The following NRXN3 variants were observed in gnomAD, a reference collection of about 807,000 sequenced individuals.
The protein encoded by NRXN3 is neurexin III.
A neutral mutation model predicts 137.6 loss-of-function variants in NRXN3; 32 were observed. The ratio of observed to expected loss-of-function variants is 0.23; its 90% CI spans 0.18 to 0.31. NRXN3 has a LOEUF of 0.31. Ranked by LOEUF, NRXN3 falls within the 10% of genes least tolerant of loss-of-function variation. NRXN3 has a pLI of 1.00. For missense variants in NRXN3, 1,574 were observed against 2,062.5 expected, an observed-to-expected ratio of 0.76 and a Z score of 4.59; for synonymous variants, 798 against 784.5, an observed-to-expected ratio of 1.02 and a Z score of -0.29.
intron 10 of NRXN3, among the ~76,000 whole-genome samples, chr14:78,889,758 C>A (rs2099153887): frequency 6.6e-6 from 1 of 151,906 alleles, no homozygotes; most frequent in African/African-American, 2.4e-5. Flanking sequence ...TTGTTTACTG[C>A]AAGTGTGGGA....
intron 19 of NRXN3, among the ~76,000 whole-genome samples, chr14:79,788,391 T>C (rs1049277072): frequency 1.3e-5 from 2 of 152,176 alleles, no homozygotes; most frequent in Non-Finnish European, 2.9e-5. Context: ...TCCATTCAAG[T>C]TTTTTCTATG....
chr14:79,374,806 T>C (rs1015414708), intron 15 of NRXN3, among the ~76,000 whole-genome samples: 2 of 152,164 alleles, frequency 1.3e-5, no homozygotes, highest in African/African-American at 4.8e-5. Context: ...CTCCCCAAAA[T>C]GTATAAAACC....
chr14:79,044,919 A>G (rs2099630755), intron 15 of NRXN3, among the ~76,000 whole-genome samples: 1 of 151,974 alleles, frequency 6.6e-6, no homozygotes. Context: ...GGTGAACTAC[A>G]AATTATTTTC....
chr14:79,505,735 A>G (rs2096872057), intron 16 of NRXN3, among the ~76,000 whole-genome samples: 1 of 152,222 alleles, frequency 6.6e-6, no homozygotes, highest in African/African-American at 2.4e-5. Flanking sequence ...TTACTTTCCT[A>G]TGCCCAACAG....
chr14:78,986,086 C>T (rs571099920), intron 14 of NRXN3, among the ~76,000 whole-genome samples: 10 of 152,278 alleles, frequency 6.6e-5, no homozygotes, highest in African/African-American at 2.4e-4. Context: ...GAAGACGAAC[C>T]CTTTGTAGTC....
At chr14:79,741,286 G>C (rs1047515121) in intron 19 of NRXN3, among the ~76,000 whole-genome samples, 3 of 152,042 alleles carry the variant, frequency 2.0e-5, no homozygotes, top group African/African-American at 7.2e-5. Context: ...TTGGTTTCGT[G>C]CTAAATCTAA....
chr14:78,517,436 C>T (rs2096225374), intron 4 of NRXN3, among the ~76,000 whole-genome samples: 1 of 152,104 alleles, frequency 6.6e-6, no homozygotes, highest in African/African-American at 2.4e-5. Flanking sequence ...ACTGTGGTTA[C>T]AGCACAGTTA....
At chr14:79,325,201 A>G (rs2090672777) in intron 15 of NRXN3, among the ~76,000 whole-genome samples, 1 of 151,998 alleles carries the variant, frequency 6.6e-6, no homozygotes, top group Admixed American at 6.6e-5. Context: ...AACATATGGC[A>G]TTTGCTTAAC....
intron 15 of NRXN3, among the ~76,000 whole-genome samples, chr14:79,111,247 G>T (rs749168659): frequency 3.9e-5 from 6 of 152,134 alleles, no homozygotes; most frequent in Non-Finnish European, 7.4e-5. Flanking sequence ...ATTTGCCTCT[G>T]GAAGGCCAAA....
chr14:78,791,462 T>C (rs1436548502), intron 8 of NRXN3, among the ~76,000 whole-genome samples: 1 of 152,176 alleles, frequency 6.6e-6, no homozygotes, highest in African/African-American at 2.4e-5. Flanking sequence ...ATGAGCCTGC[T>C]AGCCCCACCT....
chr14:78,754,679 T>C (rs1424374983), intron 8 of NRXN3, among the ~76,000 whole-genome samples: 1 of 152,198 alleles, frequency 6.6e-6, no homozygotes, highest in African/African-American at 2.4e-5. Flanking sequence ...CAGTATCACC[T>C]GGCAACCTGT....
chr14:79,625,290 A>G (rs913711068), intron 16 of NRXN3, among the ~76,000 whole-genome samples: 1 of 152,222 alleles, frequency 6.6e-6, no homozygotes, highest in Non-Finnish European at 1.5e-5. Flanking sequence ...TTTGAGAACT[A>G]GAAAAAAATG....
chr14:78,456,867 T>TTTTC (rs1322859434), intron 4 of NRXN3, among the ~76,000 whole-genome samples: 9 of 137,474 alleles, frequency 6.5e-5, no homozygotes, highest in South Asian at 2.4e-4. Context: ...TTCTCTTTCT[T>TTTTC]TCTTTCTTTC....
At chr14:79,607,947 C>A (rs1390702671) in intron 16 of NRXN3, among the ~76,000 whole-genome samples, 1 of 152,148 alleles carries the variant, frequency 6.6e-6, no homozygotes, top group Non-Finnish European at 1.5e-5. Context: ...GCTGGGATTA[C>A]AGATGTGAGC....
chr14:78,616,951 A>G (rs893542763), intron 4 of NRXN3, among the ~76,000 whole-genome samples: 1 of 152,186 alleles, frequency 6.6e-6, no homozygotes, highest in African/African-American at 2.4e-5. Flanking sequence ...ACTGTCCCCA[A>G]GTTGCATTAT....
chr14:79,355,082 G>A (rs191062128), intron 15 of NRXN3, among the ~76,000 whole-genome samples: 12 of 152,220 alleles, frequency 7.9e-5, no homozygotes, highest in African/African-American at 2.9e-4. Context: ...TTGCCAAAGG[G>A]GGGTGACAAG....
At chr14:79,828,046 G>A (rs1332756889) in intron 20 of NRXN3, among the ~76,000 whole-genome samples, 2 of 152,056 alleles carry the variant, frequency 1.3e-5, no homozygotes, top group Non-Finnish European at 2.9e-5. Context: ...ACAGCACCAA[G>A]CCACAAGAGA....
chr14:79,625,770 G>C (rs562661190), intron 16 of NRXN3, among the ~76,000 whole-genome samples: 14 of 152,242 alleles, frequency 9.2e-5, no homozygotes, highest in African/African-American at 2.9e-4. Context: ...TATGTATCCA[G>C]TTTTACAGAC....
intron 15 of NRXN3, among the ~76,000 whole-genome samples, chr14:79,408,094 A>G (rs529801508): frequency 6.1e-4 from 93 of 152,146 alleles, no homozygotes; most frequent in Admixed American, 1.6e-3. Flanking sequence ...TATTGAAATT[A>G]TGTCTTTTTA....
Sources: gnomAD v4.1 joint callset for allele counts (sites outside exome capture counted in the v4.1 genomes callset) on GRCh38, gnomAD v4.1.1 for gene constraint, MANE v1.5 for transcripts, NCBI Gene and HGNC (gene_info 2026-07-23, HGNC 2026-07-21) for gene names.